The following ROR1 variants were observed in gnomAD, a reference collection of about 807,000 sequenced individuals.
ROR1 encodes inactive tyrosine-protein kinase transmembrane receptor ROR1.
In ROR1, 19 loss-of-function variants were observed where a neutral mutation model predicts 78.8. The ratio of observed to expected loss-of-function variants is 0.24; its 90% CI spans 0.17 to 0.35. The LOEUF (loss-of-function observed/expected upper bound fraction) is 0.35, where lower values mean the gene tolerates loss of function less well. Ranked by LOEUF, ROR1 falls within the 10% of genes least tolerant of loss-of-function variation. ROR1 has a pLI of 1.00. For missense variants in ROR1, 917 were observed against 1,177.8 expected (o/e 0.78, Z 3.24); for synonymous variants, 386 against 433.6 (o/e 0.89, Z 1.36).
intron 2 of ROR1, among the ~76,000 whole-genome samples, chr1:64,033,405 G>A (rs1462473721): frequency 1.3e-5 from 2 of 152,180 alleles, no homozygotes; most frequent in African/African-American, 4.8e-5. Flanking sequence ...CTGCTGACAA[G>A]TAACAGAGTG....
chr1:64,025,319 A>G (rs1415200225), intron 2 of ROR1, among the ~76,000 whole-genome samples: 1 of 152,184 alleles, frequency 6.6e-6, no homozygotes. Flanking sequence ...CAGAAGCCTG[A>G]TAAGTGGTGG....
intron 6 of ROR1, among the ~76,000 whole-genome samples, chr1:64,141,643 A>T (rs374101342): frequency 6.6e-6 from 1 of 152,156 alleles, no homozygotes; most frequent in Non-Finnish European, 1.5e-5. Flanking sequence ...AGACTATTTC[A>T]GTGTACATTT....
chr1:63,970,600 T>C (rs1231602700), intron 1 of ROR1, among the ~76,000 whole-genome samples: 1 of 152,138 alleles, frequency 6.6e-6, no homozygotes, highest in Non-Finnish European at 1.5e-5. Context: ...CTTAAAAAAA[T>C]ACATTGGTAT....
chr1:64,132,018 A>G (rs1648929382), intron 4 of ROR1, among the ~76,000 whole-genome samples: 1 of 152,198 alleles, frequency 6.6e-6, no homozygotes, highest in Non-Finnish European at 1.5e-5. Flanking sequence ...CATTTTCATC[A>G]TCCCAAAATA....
chr1:63,870,900 T>C (rs1645247200), intron 1 of ROR1, among the ~76,000 whole-genome samples: 1 of 152,168 alleles, frequency 6.6e-6, no homozygotes, highest in African/African-American at 2.4e-5. Flanking sequence ...AGTAGTGGCT[T>C]GAAGTCACAG....
At chr1:64,158,045 T>G (rs1649823223) in intron 7 of ROR1, among the ~76,000 whole-genome samples, 1 of 152,254 alleles carries the variant, frequency 6.6e-6, no homozygotes, top group Non-Finnish European at 1.5e-5. Context: ...AATTCTGTGT[T>G]TGTTTTACCA....
intron 7 of ROR1, among the ~76,000 whole-genome samples, chr1:64,155,737 C>T (rs1290316674): frequency 6.6e-6 from 1 of 152,114 alleles, no homozygotes; most frequent in Non-Finnish European, 1.5e-5. Flanking sequence ...ACTAGCATTG[C>T]GTTAGTACTA....
At chr1:64,055,198 C>T (rs753892321) in intron 4 of ROR1, among the ~76,000 whole-genome samples, 3 of 152,342 alleles carry the variant, frequency 2.0e-5, no homozygotes, top group Non-Finnish European at 4.4e-5. Context: ...CCATGCAAAA[C>T]TCTTGCAAAT....
intron 1 of ROR1, among the ~76,000 whole-genome samples, chr1:63,928,843 C>T (rs1370131378): frequency 6.6e-6 from 1 of 152,110 alleles, no homozygotes; most frequent in Non-Finnish European, 1.5e-5. Context: ...TTGGGATAAC[C>T]CTCTAGAGAG....
intron 7 of ROR1, among the ~76,000 whole-genome samples, chr1:64,144,344 C>T (rs1409447692): frequency 6.6e-6 from 1 of 152,060 alleles, no homozygotes; most frequent in Non-Finnish European, 1.5e-5. Context: ...AAGTCAGGGT[C>T]TGGGATGAGA....
At chr1:64,116,638 C>T (rs1648324567) in intron 4 of ROR1, among the ~76,000 whole-genome samples, 1 of 152,106 alleles carries the variant, frequency 6.6e-6, no homozygotes, top group South Asian at 2.1e-4. Flanking sequence ...TTACATCCAG[C>T]AGCTTGAAGA....
At chr1:63,958,091 A>G (rs1039046387) in intron 1 of ROR1, among the ~76,000 whole-genome samples, 27 of 152,170 alleles carry the variant, frequency 1.8e-4, no homozygotes, top group African/African-American at 5.1e-4. Flanking sequence ...ACAATTCCTC[A>G]TTCTTTCTAA....
chr1:63,863,718 ATTGTATTGTATTG>A (rs1645196591), intron 1 of ROR1, among the ~76,000 whole-genome samples: 2 of 36,484 alleles, frequency 5.5e-5, no homozygotes, highest in Non-Finnish European at 5.6e-5. Flanking sequence ...ATTGTATTGT[ATTGTATTGTATTG>A]TATTGTATTG....
intron 2 of ROR1, among the ~76,000 whole-genome samples, chr1:64,029,394 AC>A (rs1431951460): frequency 6.6e-6 from 1 of 152,088 alleles, no homozygotes; most frequent in Non-Finnish European, 1.5e-5. Flanking sequence ...TGGTCAATAT[AC>A]CCTCTGACTC....
At chr1:63,965,716 G>A (rs902257074) in intron 1 of ROR1, among the ~76,000 whole-genome samples, 7 of 151,970 alleles carry the variant, frequency 4.6e-5, no homozygotes, top group South Asian at 2.1e-4. Flanking sequence ...TTATTTCCTG[G>A]TCTAGGGACT....
intron 2 of ROR1, among the ~76,000 whole-genome samples, chr1:64,034,762 G>A (rs953231525): frequency 6.6e-6 from 1 of 152,124 alleles, no homozygotes. Flanking sequence ...GTAAGTTTCT[G>A]TTCCAAATTT....
intron 1 of ROR1, among the ~76,000 whole-genome samples, chr1:63,923,216 T>C (rs1645672154): frequency 6.6e-6 from 1 of 152,002 alleles, no homozygotes; most frequent in Non-Finnish European, 1.5e-5. Context: ...AGTGCTGGGT[T>C]CCCCCCCAAA....
intron 4 of ROR1, among the ~76,000 whole-genome samples, chr1:64,087,034 A>C (rs888539280): frequency 1.1e-4 from 16 of 152,162 alleles, no homozygotes; most frequent in Admixed American, 5.9e-4. Context: ...GCAGTGAGGG[A>C]ATCTTTGCCC....
Position 64,047,820 on chromosome 1 carries a change from G to GT in ROR1, c.164-1869dup, listed in dbSNP as rs112078769. On this transcript the variant is annotated intron_variant, in intron 2 of 8. Coordinates refer to ENST00000371079, the MANE Select transcript of ROR1 (RefSeq NM_005012.4). ...CAAAGATAGAGATCAAAATATAAAT[G>GT]TTAGGAAGCAAAGCATTAGCAAGAT... Among the ~76,000 whole-genome samples the GT allele has an allele frequency of 3.8e-3, 585 of 152,302 alleles. 7 individuals are homozygous for GT. Among genetic ancestry groups the GT allele is most frequent in the African/African-American group, 0.013 (556 of 41,554 alleles).
Sources: gnomAD v4.1 joint callset for allele counts (sites outside exome capture counted in the v4.1 genomes callset) on GRCh38, gnomAD v4.1.1 for gene constraint, MANE v1.5 for transcripts, NCBI Gene and HGNC (gene_info 2026-07-23, HGNC 2026-07-21) for gene names.